The following TRIM71 variants were observed in gnomAD, a reference collection of about 807,000 sequenced individuals.
TRIM71 encodes the protein tripartite motif containing 71.
In TRIM71, 9 loss-of-function variants were observed where a neutral mutation model predicts 61.2. The ratio of observed to expected loss-of-function variants is 0.15; its 90% CI spans 0.09 to 0.26. The LOEUF is 0.26. Among genes scored for constraint, TRIM71 ranks in the 10% least tolerant of loss-of-function variants. The pLI is 1.00. For missense variants in TRIM71, 998 were observed against 1,238.7 expected, an observed-to-expected ratio of 0.81 and a Z score of 2.92; for synonymous variants, 645 against 553.2, an observed-to-expected ratio of 1.17 and a Z score of -2.33.
intron 1 of TRIM71, among the ~76,000 whole-genome samples, chr3:32,823,129 T>G (rs1460090365): frequency 1.3e-5 from 2 of 152,246 alleles, no homozygotes; most frequent in Non-Finnish European, 2.9e-5. Flanking sequence ...GTTGCTGCTT[T>G]GAATCCAGTT....
intron 1 of TRIM71, among the ~76,000 whole-genome samples, chr3:32,856,513 A>G: frequency 6.6e-6 from 1 of 152,162 alleles, no homozygotes; most frequent in East Asian, 1.9e-4. Flanking sequence ...ATGAGGCAAT[A>G]AGGAAATGTA....
At position 32,896,896 on chromosome 3, in the gene TRIM71, T is replaced by C. The variant is rs1376453379; in HGVS notation, c.*5085T>C. On this transcript the variant is annotated 3_prime_UTR_variant, in exon 4 of 4. Transcript: ENST00000383763. ...TGTAACTCTGTAAGTTCTTTGTGTTTCTAGCAGTCTGTGTAGTTGTCTTTC... is the reference window on the plus strand; with the variant it reads ...TGTAACTCTGTAAGTTCTTTGTGTTCCTAGCAGTCTGTGTAGTTGTCTTTC... The C allele has an allele frequency of 6.6e-6, 1 of 152,232 alleles. No individual in the cohort carries two copies. Among genetic ancestry groups the C allele is most frequent in the East Asian group, 1.9e-4 (1 of 5,204 alleles). The allele number at this position is 152,232 out of a possible 1,614,324, so 9.4% of individuals were successfully genotyped here.
In TRIM71 at chr3:32,818,140, C is replaced by T. The variant is rs1224986822; in HGVS notation, c.60C>T (p.Gly20=). 1.2e-5 allele frequency: 20 copies of T among 1,611,148 alleles called. No homozygotes were observed. Among genetic ancestry groups the T allele is most frequent in the Non-Finnish European group, 1.5e-5 (18 of 1,178,810 alleles). The change falls in exon 1 of 4, where the codon GGC becomes GGT. Residue 20 remains glycine, a synonymous_variant. Coordinates refer to ENST00000383763, the MANE Select transcript of TRIM71 (RefSeq NM_001039111.3). ...QICLLCKEMC[G]SPAPLSSNSS... is the part of the protein sequence containing the mutation. ...GCTTGCTGTGCAAGGAGATGTGCGG[C>T]TCGCCGGCGCCGCTCTCCTCCAACT... is the stretch of plus-strand genomic sequence containing the variant.
At position 32,894,722 on chromosome 3, in the gene TRIM71, T is replaced by A. The variant is rs1697061494; in HGVS notation, c.*2911T>A. On this transcript the variant is annotated 3_prime_UTR_variant, in exon 4 of 4. Transcript: ENST00000383763. ...AGAGTGTTTATTGTATGATGTGAAA[T>A]GTTCTAAATCAAAGAAAGATGATAA... 1 of 152,190 alleles carries A rather than the reference T, an allele frequency of 6.6e-6. No homozygotes were observed. The highest frequency in any genetic ancestry group is 2.4e-5 in the African/African-American group (1 of 41,440). The allele number at this position is 152,190 out of a possible 1,614,324, so 9.4% of individuals were successfully genotyped here.
intron 2 of TRIM71, among the ~76,000 whole-genome samples, chr3:32,874,735 G>A (rs1381390423): frequency 2.6e-5 from 4 of 151,856 alleles, no homozygotes; most frequent in African/African-American, 9.7e-5. Flanking sequence ...CATTGGCCAG[G>A]CTGGTTTTGA....
At chr3:32,852,634 G>T (rs578112530) in intron 1 of TRIM71, among the ~76,000 whole-genome samples, 2 of 151,982 alleles carry the variant, frequency 1.3e-5, no homozygotes, top group African/African-American at 4.8e-5. Context: ...GAGTTTGGAA[G>T]TAATGAAAAA....
intron 2 of TRIM71, among the ~76,000 whole-genome samples, chr3:32,874,367 TACA>T (rs1553646510): frequency 2.8e-4 from 31 of 110,994 alleles, no homozygotes; most frequent in South Asian, 1.8e-3. Flanking sequence ...CTACTACTAC[TACA>T]ACATATTTTT....
Position 32,836,455 on chromosome 3 carries a change from GT to G in TRIM71, c.852+17524del, listed in dbSNP as rs540333999. ...TGGATAAATACTGATTACTAGTTGT[GT>G]GTTACAAAGGATTTTTCTGAGGCCA... is the stretch of plus-strand genomic sequence containing the variant. On this transcript the variant is annotated intron_variant, in intron 1 of 3. Coordinates refer to ENST00000383763, the MANE Select transcript of TRIM71 (RefSeq NM_001039111.3). Among the ~76,000 whole-genome samples the G allele has an allele frequency of 1.3e-3, 199 of 152,278 alleles. 3 individuals carry two copies. The highest frequency in any genetic ancestry group is 8.7e-4 in the Non-Finnish European group (59 of 68,016).
At chr3:32,855,288 G>A (rs575337881) in intron 1 of TRIM71, among the ~76,000 whole-genome samples, 3 of 152,058 alleles carry the variant, frequency 2.0e-5, no homozygotes, top group Admixed American at 6.6e-5. Flanking sequence ...AGTCGGGTAA[G>A]GGGGTGGAAG....
intron 2 of TRIM71, among the ~76,000 whole-genome samples, chr3:32,878,250 TCAG>T (rs1186141409): frequency 6.6e-6 from 1 of 152,242 alleles, no homozygotes; most frequent in Admixed American, 6.5e-5. Flanking sequence ...GCATTGTCAA[TCAG>T]CAGTAATATT....
At chr3:32,835,127 T>C (rs545488849) in intron 1 of TRIM71, among the ~76,000 whole-genome samples, 2 of 152,282 alleles carry the variant, frequency 1.3e-5, no homozygotes, top group East Asian at 3.9e-4. Flanking sequence ...AAGGAGGTGA[T>C]GTTAAGCTCT....
intron 2 of TRIM71, among the ~76,000 whole-genome samples, chr3:32,881,368 G>A (rs1378402386): frequency 6.6e-6 from 1 of 152,154 alleles, no homozygotes; most frequent in African/African-American, 2.4e-5. Flanking sequence ...ACCCAGTATG[G>A]TCGCCTACAA....
Position 32,891,871 on chromosome 3 carries a change from T to G in TRIM71, c.*60T>G. On this transcript the variant is annotated 3_prime_UTR_variant, in exon 4 of 4. Transcript: ENST00000383763. This position sits in a 1 kb window ranked among gnomAD's most constrained non-coding sequence, Gnocchi z 8.2. ...GTGCGTGTCTCTCTCTCTCTCTCTC[T>G]CTTTCTCTTTCTCTCTCTTTTTGAA... The G allele has an allele frequency of 3.9e-6, 6 of 1,522,350 alleles. No individual in the cohort carries two copies. Among genetic ancestry groups the G allele is most frequent in the Non-Finnish European group, 5.3e-6 (6 of 1,133,454 alleles). 94.3% of individuals were successfully genotyped at this position (1,522,350 alleles called of 1,614,324 possible).
At position 32,839,756 on chromosome 3, in the gene TRIM71, C is replaced by T. The variant is rs539474056; in HGVS notation, c.852+20824C>T. ...TCTCATGTCTAATTCTTCCCTCATA[C>T]GTGGATCTGCTGGCAAGTCAGAGGT... On this transcript the variant is annotated intron_variant, in intron 1 of 3. Coordinates refer to ENST00000383763, the MANE Select transcript of TRIM71 (RefSeq NM_001039111.3). 2.6e-5 allele frequency among the ~76,000 whole-genome samples: 4 copies of T among 151,856 alleles called. No homozygotes were observed. In the East Asian group the frequency reaches 5.8e-4, roughly 22 times the overall value.
chr3:32,841,627 C>T (rs539290471), intron 1 of TRIM71, among the ~76,000 whole-genome samples: 1 of 152,272 alleles, frequency 6.6e-6, no homozygotes, highest in East Asian at 1.9e-4. Context: ...AACCCCCACC[C>T]CCCAAAAGAA....
intron 1 of TRIM71, among the ~76,000 whole-genome samples, chr3:32,820,387 A>C (rs367769154): frequency 6.6e-6 from 1 of 152,246 alleles, no homozygotes; most frequent in East Asian, 1.9e-4. Context: ...TCTTCTAGGT[A>C]AGAAGCTAGG....
At position 32,883,110 on chromosome 3, in the gene TRIM71, A is replaced by T. The variant is rs112991638; in HGVS notation, c.1021-2824A>T. Among the ~76,000 whole-genome samples, 515 of 152,212 alleles carry T rather than the reference A, an allele frequency of 3.4e-3. 2 individuals carry two copies. Among genetic ancestry groups the T allele is most frequent in the African/African-American group, 0.011 (458 of 41,522 alleles). ...CTAAATTCTGTTTAAATGTCTAGGG[A>T]GCTCTCTTGCTCTCTCTCGCTTTCT... On this transcript the variant is annotated intron_variant, in intron 2 of 3. Coordinates refer to ENST00000383763, the MANE Select transcript of TRIM71 (RefSeq NM_001039111.3).
rs1697060920 is a variant in TRIM71 at position 32,894,664 on chromosome 3, C to G, written c.*2853C>G. On this transcript the variant is annotated 3_prime_UTR_variant, in exon 4 of 4. Coordinates refer to ENST00000383763, the MANE Select transcript of TRIM71 (RefSeq NM_001039111.3). ...GGTTTTTCCTGCCCGTGGTTGACTC[C>G]TGACCCATAGGGATTGGTGCGAAGC... 1 of 152,200 alleles carries G rather than the reference C, an allele frequency of 6.6e-6. No homozygotes were observed. The highest frequency in any genetic ancestry group is 1.5e-5 in the Non-Finnish European group (1 of 68,048). 9.4% of individuals were successfully genotyped at this position (152,200 alleles called of 1,614,324 possible).
At chr3:32,882,135 T>C (rs1696915300) in intron 2 of TRIM71, among the ~76,000 whole-genome samples, 1 of 144,092 alleles carries the variant, frequency 6.9e-6, no homozygotes, top group Non-Finnish European at 1.6e-5. Flanking sequence ...TTTTGTTTTT[T>C]TATTTTTTGA....
Sources: gnomAD v4.1 joint callset for allele counts (sites outside exome capture counted in the v4.1 genomes callset) on GRCh38, gnomAD v4.1.1 for gene constraint, Gnocchi (gnomAD v3.1) non-coding constraint, MANE v1.5 for transcripts, NCBI Gene and HGNC (gene_info 2026-07-23, HGNC 2026-07-21) for gene names.